The following RELL1 variants were observed in gnomAD, a reference collection of about 807,000 sequenced individuals.
RELL1 encodes RELT-like protein 1.
A neutral mutation model predicts 23.0 loss-of-function variants in RELL1; 10 were observed. The observed-to-expected ratio is 0.43, with a 90% CI of 0.27 to 0.74. The LOEUF (loss-of-function observed/expected upper bound fraction) is 0.74. Among genes scored for constraint, RELL1 ranks in the 30% least tolerant of loss-of-function variants. The pLI, the probability that RELL1 is intolerant of heterozygous loss-of-function variation, is 0.19. For missense variants in RELL1, 315 were observed against 364.4 expected (o/e 0.86, Z 1.10); for synonymous variants, 146 against 146.8 (o/e 0.99, Z 0.04).
intron 1 of RELL1, among the ~76,000 whole-genome samples, chr4:37,678,085 G>A (rs930011500): frequency 6.6e-6 from 1 of 152,190 alleles, no homozygotes; most frequent in African/African-American, 2.4e-5. Flanking sequence ...TGCTTCTGGG[G>A]AGGCCTCAGA....
downstream of RELL1, among the ~76,000 whole-genome samples, chr4:37,587,360 G>A (rs1718385595): frequency 6.6e-6 from 1 of 152,182 alleles, no homozygotes; most frequent in Admixed American, 6.5e-5. Flanking sequence ...CCAGGGATTA[G>A]GATGTGGATA....
intron 1 of RELL1, among the ~76,000 whole-genome samples, chr4:37,674,736 TGATACAAAAGCCCA>T (rs947623385): frequency 2.2e-4 from 6 of 27,490 alleles, no homozygotes; most frequent in Non-Finnish European, 5.9e-4. Context: ...AGTTGTACTG[TGATACAAAAGCCCA>T]GTGAATTCTT....
chr4:37,639,531 A>AC (rs1720451925), intron 3 of RELL1, among the ~76,000 whole-genome samples: 1 of 151,856 alleles, frequency 6.6e-6, no homozygotes, highest in South Asian at 2.1e-4. Flanking sequence ...CAAAAAAAAA[A>AC]ACCTAATCTA....
intron 6 of RELL1, among the ~76,000 whole-genome samples, chr4:37,613,904 T>C (rs1719489207): frequency 6.6e-6 from 1 of 152,244 alleles, no homozygotes; most frequent in Admixed American, 6.5e-5. Context: ...AACTATCTCA[T>C]TTAATGAACA....
chr4:37,629,916 C>T (rs1480860136), intron 6 of RELL1, among the ~76,000 whole-genome samples: 1 of 152,164 alleles, frequency 6.6e-6, no homozygotes, highest in African/African-American at 2.4e-5. Flanking sequence ...CAGGCCCTGC[C>T]TTCACACGTG....
chr4:37,631,863 T>A (rs1720147584), intron 5 of RELL1, among the ~76,000 whole-genome samples: 1 of 151,970 alleles, frequency 6.6e-6, no homozygotes, highest in South Asian at 2.1e-4. Flanking sequence ...GTGGATTGCT[T>A]GAGCCTAGGA....
At chr4:37,604,852 GACACACACACACAGACAC>G (rs1719130256) in intron 6 of RELL1, among the ~76,000 whole-genome samples, 7 of 26,982 alleles carry the variant, frequency 2.6e-4, no homozygotes, top group African/African-American at 9.4e-4. Context: ...CACACACACA[GACACACACACACAGACAC>G]ACACACACAT....
chr4:37,618,743 T>C (rs993744530), intron 6 of RELL1, among the ~76,000 whole-genome samples: 3 of 152,202 alleles, frequency 2.0e-5, no homozygotes, highest in African/African-American at 7.2e-5. Context: ...AAAGAGTACA[T>C]ATTTAAGTTT....
rs1371477840 is a variant in RELL1 at position 37,612,543 on chromosome 4, G to A, written c.*803C>T. Among the ~76,000 whole-genome samples, 1 of 151,508 alleles carries A rather than the reference G, an allele frequency of 6.6e-6. No homozygotes were observed. Among genetic ancestry groups the A allele is most frequent in the Non-Finnish European group, 1.5e-5 (1 of 67,962 alleles). ...CCCAGCTACTTGGGAGGCTGAGGCA[G>A]GAGAATCGCTTGAACCTGGGGAGGT... On this transcript the variant is annotated 3_prime_UTR_variant, in exon 7 of 7. Coordinates refer to ENST00000454158, the MANE Select transcript of RELL1 (RefSeq NM_001085400.2).
At chr4:37,680,213 CAAG>C (rs1368922340) in intron 1 of RELL1, among the ~76,000 whole-genome samples, 1 of 152,100 alleles carries the variant, frequency 6.6e-6, no homozygotes, top group Non-Finnish European at 1.5e-5. Context: ...GAGAAAATAA[CAAG>C]AATATGAAAT....
chr4:37,604,145 G>A (rs950837748), intron 6 of RELL1, among the ~76,000 whole-genome samples: 2 of 152,054 alleles, frequency 1.3e-5, no homozygotes, highest in Non-Finnish European at 2.9e-5. Flanking sequence ...AGCGTTGTGA[G>A]GCTAGCGTCC....
At chr4:37,625,994 G>C (rs1366156492) in intron 6 of RELL1, among the ~76,000 whole-genome samples, 1 of 151,778 alleles carries the variant, frequency 6.6e-6, no homozygotes, top group Non-Finnish European at 1.5e-5. Flanking sequence ...TGAAAAAAAG[G>C]CTCAACATTA....
At position 37,680,848 on chromosome 4, in the gene RELL1, C is replaced by T. The variant is rs190868492; in HGVS notation, c.88+5352G>A. Among the ~76,000 whole-genome samples, 560 of 149,126 alleles carry T rather than the reference C, an allele frequency of 3.8e-3. 5 individuals carry two copies. Among genetic ancestry groups the T allele is most frequent in the South Asian group, 0.022 (103 of 4,698 alleles). On this transcript the variant is annotated intron_variant, in intron 1 of 6. Transcript: ENST00000454158. Reference sequence around the variant, plus strand: ...TTGGGAGGCTGAGGCGGGAGAATGGCATGAACCCTGGAGGCGGAGCTTGCA... The same window carrying T: ...TTGGGAGGCTGAGGCGGGAGAATGGTATGAACCCTGGAGGCGGAGCTTGCA...
intron 6 of RELL1, among the ~76,000 whole-genome samples, chr4:37,605,572 T>C (rs1055158600): frequency 2.0e-5 from 3 of 151,882 alleles, no homozygotes; most frequent in African/African-American, 7.3e-5. Flanking sequence ...TGAAACCCTG[T>C]CTCTACTAAA....
intron 6 of RELL1, among the ~76,000 whole-genome samples, chr4:37,621,070 A>G: frequency 6.6e-6 from 1 of 152,218 alleles, no homozygotes; most frequent in South Asian, 2.1e-4. Context: ...TGGAACCACT[A>G]CAGTATCCTA....
At chr4:37,614,113 C>T (rs1297372532) in intron 6 of RELL1, among the ~76,000 whole-genome samples, 1 of 152,204 alleles carries the variant, frequency 6.6e-6, no homozygotes, top group Non-Finnish European at 1.5e-5. Context: ...ATAGACCCAG[C>T]TTGCAGAAAT....
chr4:37,633,515 A>G (rs910209646), intron 5 of RELL1, among the ~76,000 whole-genome samples: 2 of 151,662 alleles, frequency 1.3e-5, no homozygotes, highest in African/African-American at 4.8e-5. Flanking sequence ...TGCTTTGTCC[A>G]AACAAGCTAC....
At chr4:37,640,532 T>C (rs1426179809) in intron 3 of RELL1, among the ~76,000 whole-genome samples, 1 of 152,200 alleles carries the variant, frequency 6.6e-6, no homozygotes, top group East Asian at 1.9e-4. Context: ...CATGCGGGGA[T>C]GTTCCCCAGA....
chr4:37,593,763 C>T (rs940287540), intron 6 of RELL1, among the ~76,000 whole-genome samples: 11 of 152,166 alleles, frequency 7.2e-5, no homozygotes, highest in Non-Finnish European at 1.3e-4. Flanking sequence ...GCCTGGGATA[C>T]AGCTGGTTTC....
Sources: allele counts gnomAD v4.1 joint callset (sites outside exome capture counted in the v4.1 genomes callset), GRCh38; gene constraint gnomAD v4.1.1; transcripts MANE v1.5; gene names NCBI Gene and HGNC (gene_info 2026-07-23, HGNC 2026-07-21).